The following GLMN variants were observed in gnomAD, a reference collection of about 807,000 sequenced individuals.
GLMN encodes the protein glomulin, FKBP associated protein.
Under a neutral mutation model 87.8 loss-of-function variants are expected in GLMN, and 75 were observed. The ratio of observed to expected loss-of-function variants is 0.85; its 90% CI spans 0.71 to 1.04. The LOEUF is 1.04. Among genes scored for constraint, GLMN ranks in the 50% least tolerant of loss-of-function variants. The probability of loss-of-function intolerance (pLI) is 0.00; values close to 1 mark genes in which losing one functional copy is unlikely to be tolerated. For synonymous variants in GLMN, 206 were observed against 221.6 expected (o/e 0.93, Z 0.63); for missense variants, 588 against 658.8 (o/e 0.89, Z 1.18).
chr1:92,270,512 CA>C (rs1307505016), intron 8 of GLMN, among the ~76,000 whole-genome samples: 3 of 152,122 alleles, frequency 2.0e-5, no homozygotes, highest in Non-Finnish European at 2.9e-5. Context: ...ACATGGTGAA[CA>C]TGCAAATGAT....
At chr1:92,288,361 C>T (rs1649017930) in intron 6 of GLMN, among the ~76,000 whole-genome samples, 2 of 152,078 alleles carry the variant, frequency 1.3e-5, no homozygotes, top group African/African-American at 4.8e-5. Context: ...TATTCACCTA[C>T]TATGATGAAT....
Position 92,253,386 on chromosome 1 carries a change from G to A in GLMN, c.1474-5397C>T, listed in dbSNP as rs906754588. Among the ~76,000 whole-genome samples the A allele has an allele frequency of 1.4e-4, 21 of 152,344 alleles. No homozygotes were observed. The East Asian group carries it at 4.1e-3, about 29-fold the overall frequency. On this transcript the variant is annotated intron_variant, in intron 16 of 18. Coordinates refer to ENST00000370360, the MANE Select transcript of GLMN (RefSeq NM_053274.3). ...CTGCCTGCCAGCTCTGAAGAGAGCA[G>A]CAGATCTCTCAGCACAGCGCTTGAG...
intron 13 of GLMN, among the ~76,000 whole-genome samples, chr1:92,265,083 C>T (rs1478089317): frequency 2.6e-5 from 4 of 152,094 alleles, no homozygotes; most frequent in South Asian, 2.1e-4. Context: ...CCTCGTGATC[C>T]GCCTGCCTCA....
At chr1:92,330,439 A>AT in the GLMN span, among the ~76,000 whole-genome samples, 11,169 of 61,522 alleles carry the variant, frequency 0.18, 2,850 homozygotes, top group Non-Finnish European at 0.2. Flanking sequence ...TGGGTTGTCA[A>AT]TTTTTTTTTT....
At chr1:92,357,751 C>T in the GLMN span, among the ~76,000 whole-genome samples, 5 of 152,328 alleles carry the variant, frequency 3.3e-5, no homozygotes, top group African/African-American at 1.2e-4. Flanking sequence ...AGGCTGGTCT[C>T]GAACTCTTGG....
At chr1:92,283,510 T>A (rs1380015157) in intron 7 of GLMN, among the ~76,000 whole-genome samples, 3 of 152,116 alleles carry the variant, frequency 2.0e-5, no homozygotes, top group African/African-American at 7.2e-5. Context: ...ACAGCCAATA[T>A]CATACTGAAT....
chr1:92,361,323 G>T, the GLMN span, among the ~76,000 whole-genome samples: 1 of 152,006 alleles, frequency 6.6e-6, no homozygotes. Flanking sequence ...ACATTGTCTG[G>T]ATTACTTTTG....
intron 3 of GLMN, among the ~76,000 whole-genome samples, chr1:92,294,413 T>C (rs1649790465): frequency 6.6e-6 from 1 of 152,172 alleles, no homozygotes; most frequent in African/African-American, 2.4e-5. Context: ...AGTGGATGCC[T>C]GAAACCATGA....
At chr1:92,259,732 C>CTTTTTTTTTTTTT in intron 16 of GLMN, among the ~76,000 whole-genome samples, 199 of 108,220 alleles carry the variant, frequency 1.8e-3, no homozygotes, top group Non-Finnish European at 2.6e-3. Context: ...TTTTTTCTTT[C>CTTTTTTTTTTTTT]TTTTTTTTTT....
chr1:92,323,868 A>G, the GLMN span: 3 of 1,614,018 alleles, frequency 1.9e-6, no homozygotes, highest in South Asian at 2.2e-5. Context: ...AAAATTCTGA[A>G]AGTGAATACA....
the GLMN span, among the ~76,000 whole-genome samples, chr1:92,344,824 T>C: frequency 2.6e-5 from 4 of 152,198 alleles, no homozygotes; most frequent in South Asian, 2.1e-4. Context: ...AAATTATTAG[T>C]GAGATTGAGC....
At chr1:92,361,975 T>C in the GLMN span, among the ~76,000 whole-genome samples, 12 of 152,224 alleles carry the variant, frequency 7.9e-5, no homozygotes, top group African/African-American at 2.9e-4. Context: ...GAGAATTCTT[T>C]AAATGTTTTA....
chr1:92,318,765 A>T, the GLMN span, among the ~76,000 whole-genome samples: 23 of 151,958 alleles, frequency 1.5e-4, no homozygotes, highest in African/African-American at 5.3e-4. Context: ...TTTCATATTG[A>T]TTATTTTCCC....
At chr1:92,280,656 TA>T (rs1158894756) in intron 7 of GLMN, among the ~76,000 whole-genome samples, 1 of 151,960 alleles carries the variant, frequency 6.6e-6, no homozygotes, top group East Asian at 1.9e-4. Context: ...AGGTCGGTAA[TA>T]ACAAACTTCT....
chr1:92,356,658 C>T, the GLMN span, among the ~76,000 whole-genome samples: 20 of 149,524 alleles, frequency 1.3e-4, no homozygotes, highest in Non-Finnish European at 2.7e-4. Flanking sequence ...TGGTCTCGAA[C>T]TCCTGGCCTC....
At chr1:92,324,732 G>A in the GLMN span, among the ~76,000 whole-genome samples, 1 of 151,962 alleles carries the variant, frequency 6.6e-6, no homozygotes, top group African/African-American at 2.4e-5. Context: ...CATGGGGTCT[G>A]TGTGTGTGTG....
chr1:92,344,210 G>GATC, the GLMN span, among the ~76,000 whole-genome samples: 1 of 152,186 alleles, frequency 6.6e-6, no homozygotes, highest in Admixed American at 6.5e-5. Flanking sequence ...AGGAGTTAGA[G>GATC]ATCAGCCTGG....
chr1:92,330,488 C>A, the GLMN span, among the ~76,000 whole-genome samples: 8 of 123,558 alleles, frequency 6.5e-5, no homozygotes, highest in East Asian at 1.3e-3. Flanking sequence ...TTCTCTGTTG[C>A]CCAGTCTGGA....
the GLMN span, among the ~76,000 whole-genome samples, chr1:92,314,815 C>T: frequency 4.6e-5 from 7 of 151,020 alleles, no homozygotes; most frequent in Middle Eastern, 3.5e-3. Context: ...GAGGCCAAGG[C>T]AGGTGGATCA....
Sources: allele counts gnomAD v4.1 joint callset (sites outside exome capture counted in the v4.1 genomes callset), GRCh38; gene constraint gnomAD v4.1.1; transcripts MANE v1.5; gene names NCBI Gene and HGNC (gene_info 2026-07-23, HGNC 2026-07-21).